Variants in HDAC5 observed in about 807,000 individuals in gnomAD.
HDAC5 encodes the protein histone deacetylase 5, also known as antigen NY-CO-9.
A neutral mutation model predicts 133.3 loss-of-function variants in HDAC5; 25 were observed. That is an observed-to-expected ratio of 0.19 (90% confidence interval 0.14 to 0.26). The LOEUF is 0.26. Among genes scored for constraint, HDAC5 ranks in the 10% least tolerant of loss-of-function variants. HDAC5 has a pLI of 1.00. For missense variants in HDAC5, 1,041 were observed against 1,460.5 expected (o/e 0.71, Z 4.68); for synonymous variants, 589 against 610.8 (o/e 0.96, Z 0.53).
intron 3 of HDAC5, among the ~76,000 whole-genome samples, chr17:44,110,081 A>G (rs1368566862): frequency 1.3e-5 from 2 of 152,232 alleles, no homozygotes; most frequent in Non-Finnish European, 2.9e-5. Flanking sequence ...CTTCATCCTC[A>G]TGAGATGGGA....
chr17:44,093,349 A>AGCTGCTGCTCCAGCC lies in HDAC5; in HGVS notation c.476_490dup (p.Arg159_Gln163dup), dbSNP rs1208045756. 6.3e-7 allele frequency: 1 copy of AGCTGCTGCTCCAGCC among 1,583,976 alleles called. No homozygotes were observed. The highest frequency in any genetic ancestry group is 2.3e-5 in the East Asian group (1 of 43,914). On this transcript the variant is annotated inframe_insertion, in exon 5 of 27. Transcript: ENST00000682912. The stretch of plus-strand genomic sequence containing the variant: ...CTTCTCCTTGTTCCGCAGGATGAGC[A>AGCTGCTGCTCCAGCC]GCTGCTGCTCCAGCCGCTGCTTCTC...
At chr17:44,111,352 G>T (rs1486314019) in intron 2 of HDAC5, 2 of 329,766 alleles carry the variant, frequency 6.1e-6, no homozygotes, top group African/African-American at 2.2e-5. Flanking sequence ...CATGGGGGGG[G>T]AGGCGGTTCT....
chr17:44,081,024 C>A (rs2050364302), intron 20 of HDAC5, 142 bp from the exon 21 acceptor site: 2 of 1,079,302 alleles, frequency 1.9e-6, no homozygotes, highest in East Asian at 4.8e-5. Flanking sequence ...TCGCTTGAGC[C>A]CAGGACTCCA....
chr17:44,114,253 G>T (rs2052511059), intron 2 of HDAC5, among the ~76,000 whole-genome samples: 1 of 152,234 alleles, frequency 6.6e-6, no homozygotes, highest in Non-Finnish European at 1.5e-5. Flanking sequence ...CAGTAGAGAA[G>T]GGAGGCCAGG....
At position 44,078,190 on chromosome 17, in the gene HDAC5, G is replaced by A; in HGVS notation, c.*186C>T. The stretch of plus-strand genomic sequence containing the variant: ...GAAGACACCACCACCCCCTGCAGAG[G>A]GAGCAGGCTTCTAGAGCTGAGGTGG... On this transcript the variant is annotated 3_prime_UTR_variant, in exon 27 of 27. Transcript: ENST00000682912. 1 of 532,766 alleles carries A rather than the reference G, an allele frequency of 1.9e-6. No homozygotes were observed. Among genetic ancestry groups the A allele is most frequent in the Non-Finnish European group, 3.2e-6 (1 of 310,936 alleles). 33.0% of individuals were successfully genotyped at this position (532,766 alleles called of 1,614,324 possible).
intron 2 of HDAC5, 102 bp from the exon 3 acceptor site, chr17:44,110,902 G>A (rs1324640903): frequency 6.1e-6 from 6 of 982,514 alleles, no homozygotes; most frequent in South Asian, 1.4e-5. Context: ...GCCGCCAGAG[G>A]CGGGGAGCAG....
At position 44,117,263 on chromosome 17, in the gene HDAC5, A is replaced by G. The variant is rs76282479; in HGVS notation, c.22+231T>C. On this transcript the variant is annotated intron_variant, in intron 2 of 26. Coordinates refer to ENST00000682912, the MANE Select transcript of HDAC5 (RefSeq NM_005474.5). The surrounding 1 kb of genome is among the most constrained non-coding windows in gnomAD (Gnocchi z 4.2). ...ACACCCCTAAGTTGAGAGGGCAAGCATGGGGGGCAGAGTAGGACCCATTGC... is the reference window on the plus strand; with the variant it reads ...ACACCCCTAAGTTGAGAGGGCAAGCGTGGGGGGCAGAGTAGGACCCATTGC... 9.9e-3 allele frequency among the ~76,000 whole-genome samples: 1,501 copies of G among 152,306 alleles called. 24 individuals carry two copies. The highest frequency in any genetic ancestry group is 0.034 in the African/African-American group (1,429 of 41,552).
intron 3 of HDAC5, among the ~76,000 whole-genome samples, chr17:44,105,523 A>G (rs2143495985): frequency 6.6e-6 from 1 of 152,158 alleles, no homozygotes; most frequent in East Asian, 1.9e-4. Flanking sequence ...TTTGCTCCAC[A>G]CCTGGGGTGG....
At chr17:44,111,563 C>T in intron 2 of HDAC5, 2 of 514,706 alleles carry the variant, frequency 3.9e-6, no homozygotes, top group Admixed American at 3.9e-5. Context: ...ACTCAAGCCT[C>T]CGTCTTTCTT....
At chr17:44,090,008 G>A (rs898359494) in intron 11 of HDAC5, among the ~76,000 whole-genome samples, 7 of 150,930 alleles carry the variant, frequency 4.6e-5, no homozygotes, top group African/African-American at 9.7e-5. Flanking sequence ...CGAGGCGAAC[G>A]GATCACCTGA....
intron 2 of HDAC5, among the ~76,000 whole-genome samples, chr17:44,116,949 G>A (rs1384359959): frequency 6.6e-6 from 1 of 152,140 alleles, no homozygotes; most frequent in African/African-American, 2.4e-5. Context: ...ACTCAGAGGA[G>A]AGCCGAGACT....
chr17:44,104,401 C>A (rs2051808042), intron 3 of HDAC5, among the ~76,000 whole-genome samples: 2 of 152,198 alleles, frequency 1.3e-5, no homozygotes, highest in African/African-American at 4.8e-5. Context: ...CACAGACCAC[C>A]TGGATTCTAA....
In HDAC5 at chr17:44,092,258, C is replaced by T. The variant is rs927755393; in HGVS notation, c.946G>A (p.Gly316Ser). ...CTGTTGGGAGAGCTGGGGCCGGAGC[C>T]GGGTGCGCTGTTACACACGGACGAC... Reference protein sequence around the residue: ...GASSVCNSAPGSGPSSPNSSH... With the variant: ...GASSVCNSAPSSGPSSPNSSH... The change falls in exon 9 of 27, where the codon GGC becomes AGC. Residue 316 changes from glycine (G) to serine (S), a missense_variant. Transcript: ENST00000682912. 8 of 1,613,814 alleles carry T rather than the reference C, an allele frequency of 5.0e-6. No individual in the cohort carries two copies. Among genetic ancestry groups the T allele is most frequent in the South Asian group, 4.4e-5 (4 of 91,072 alleles).
intron 3 of HDAC5, among the ~76,000 whole-genome samples, chr17:44,103,559 GGAGAAT>G (rs2143471332): frequency 6.6e-6 from 1 of 152,284 alleles, no homozygotes; most frequent in East Asian, 1.9e-4. Flanking sequence ...GTTAGGCTCG[GGAGAAT>G]GTACGCGGAG....
Position 44,093,430 on chromosome 17 carries a change from CGCTTGGCTGCCAGCATCTCCTGCTGCT to C in HDAC5, c.383_409del (p.Gln128_Lys136del). On this transcript the variant is annotated inframe_deletion, in exon 5 of 27. Transcript: ENST00000682912. Reference sequence around the variant, plus strand: ...CCGCTGCTGCTCCAGCTCCTGCTGCCGCTTGGCTGCCAGCATCTCCTGCTGCTGCTTGGCTGCCAGCATCTCCTGCTG... The same window carrying C: ...CCGCTGCTGCTCCAGCTCCTGCTGCCGCTTGGCTGCCAGCATCTCCTGCTG... The C allele has an allele frequency of 1.9e-4, 298 of 1,602,498 alleles. No homozygotes were observed. The highest frequency in any genetic ancestry group is 5.0e-4 in the Middle Eastern group (3 of 6,058).
At chr17:44,108,753 AAAAAAAAAC>A (rs1317748552) in intron 3 of HDAC5, among the ~76,000 whole-genome samples, 1 of 121,394 alleles carries the variant, frequency 8.2e-6, no homozygotes, top group Admixed American at 8.1e-5. Flanking sequence ...CCAGAGTCCA[AAAAAAAAAC>A]AAAAAAAAAA....
chr17:44,082,039 A>C (rs1312777669), intron 20 of HDAC5: 1 of 152,512 alleles, frequency 6.6e-6, no homozygotes, highest in Non-Finnish European at 1.5e-5. Flanking sequence ...CATTAGGAGC[A>C]GGGTTTGGGA....
At chr17:44,085,516 G>C (rs2050604148) in intron 14 of HDAC5, among the ~76,000 whole-genome samples, 1 of 149,620 alleles carries the variant, frequency 6.7e-6, no homozygotes, top group Non-Finnish European at 1.5e-5. Context: ...CTTTTCTTTT[G>C]TTTTTTTTTG....
chr17:44,102,962 C>CG (rs2051712236), intron 3 of HDAC5, among the ~76,000 whole-genome samples: 2 of 152,170 alleles, frequency 1.3e-5, no homozygotes, highest in African/African-American at 4.8e-5. Flanking sequence ...CTACCGCCCC[C>CG]GGCCCAGGTT....
Sources: allele counts gnomAD v4.1 joint callset (sites outside exome capture counted in the v4.1 genomes callset), GRCh38; gene constraint gnomAD v4.1.1; non-coding constraint Gnocchi (gnomAD v3.1); transcripts MANE v1.5; gene names NCBI Gene and HGNC (gene_info 2026-07-23, HGNC 2026-07-21).